Variants in KIAA0319 observed in about 807,000 individuals in gnomAD.
KIAA0319 encodes the protein KIAA0319.
KIAA0319 carries 83 observed loss-of-function variants against 108.4 expected under a neutral mutation model. The observed-to-expected ratio is 0.77, with a 90% CI of 0.64 to 0.92. The LOEUF (loss-of-function observed/expected upper bound fraction) is 0.92. KIAA0319 is among the 40% of genes least tolerant of loss of function. The pLI, the probability that KIAA0319 is intolerant of heterozygous loss-of-function variation, is 0.00. For synonymous variants in KIAA0319, 484 were observed against 510.4 expected, an observed-to-expected ratio of 0.95 and a Z score of 0.70; for missense variants, 1,195 against 1,322.4, an observed-to-expected ratio of 0.90 and a Z score of 1.49.
At chr6:24,555,761 G>A (rs1287971162) in intron 18 of KIAA0319, among the ~76,000 whole-genome samples, 1 of 152,112 alleles carries the variant, frequency 6.6e-6, no homozygotes, top group African/African-American at 2.4e-5. Flanking sequence ...CCAGTTTTTG[G>A]TGCCTGCCTG....
intron 16 of KIAA0319, 88 bp from the exon 17 acceptor site, chr6:24,559,243 TG>T: frequency 6.9e-7 from 1 of 1,451,782 alleles, no homozygotes; most frequent in Non-Finnish European, 9.4e-7. Context: ...CCTGTGAAAC[TG>T]GGGAGGTAGA....
intron 20 of KIAA0319, among the ~76,000 whole-genome samples, chr6:24,547,989 T>C (rs981179440): frequency 1.3e-5 from 2 of 152,052 alleles, no homozygotes; most frequent in Admixed American, 6.6e-5. Context: ...ACTATGATCG[T>C]GTTGCTATGC....
Position 24,583,116 on chromosome 6 carries a change from G to A in KIAA0319, c.1093+488C>T, listed in dbSNP as rs186476443. 7.2e-5 allele frequency: 71 copies of A among 985,504 alleles called. No homozygotes were observed. The African/African-American group carries it at 1.2e-3, about 16-fold the overall frequency. The allele number at this position is 985,504 out of a possible 1,614,324, so 61.0% of individuals were successfully genotyped here. A position where few individuals can be genotyped will look rare whatever the true frequency, so the allele number is the denominator to read the frequency against. ...GTCCCAGGTCAAATGCTTACTGAAT[G>A]GTAGAGCACTGGACAAGTAGAAGAA... On this transcript the variant is annotated intron_variant, in intron 5 of 20. Coordinates refer to ENST00000378214, the MANE Select transcript of KIAA0319 (RefSeq NM_014809.4).
rs561263302 is a variant in KIAA0319, at chr6:24,638,235, A to AT, written c.-106+7500dup. Reference sequence around the variant, plus strand: ...CATAATAAAATAACAAGATAGTAAGATTTTTTAAGGGTATAGTTTAAAATA... The same window carrying AT: ...CATAATAAAATAACAAGATAGTAAGATTTTTTTAAGGGTATAGTTTAAAATA... On this transcript the variant is annotated intron_variant, in intron 1 of 20. Transcript: ENST00000378214. Among the ~76,000 whole-genome samples the AT allele has an allele frequency of 1.5e-4, 23 of 152,282 alleles. No individual in the cohort carries two copies. The East Asian group carries it at 4.1e-3, about 27-fold the overall frequency.
chr6:24,594,398 G>C (rs1193839669), intron 3 of KIAA0319, among the ~76,000 whole-genome samples: 1 of 151,718 alleles, frequency 6.6e-6, no homozygotes, highest in Non-Finnish European at 1.5e-5. Flanking sequence ...GGCCGAGGTG[G>C]GGGTATCATT....
intron 3 of KIAA0319, among the ~76,000 whole-genome samples, chr6:24,594,466 A>G (rs1332720935): frequency 1.3e-5 from 2 of 151,630 alleles, no homozygotes; most frequent in Non-Finnish European, 2.9e-5. Context: ...TCTCTACTAA[A>G]AAATACAAAA....
intron 4 of KIAA0319, among the ~76,000 whole-genome samples, chr6:24,584,392 G>T: frequency 7.1e-6 from 1 of 141,400 alleles, no homozygotes; most frequent in African/African-American, 2.7e-5. Context: ...AAAATATATT[G>T]CGATATGTCC....
intron 5 of KIAA0319, chr6:24,583,043 C>G: frequency 2.0e-6 from 2 of 983,154 alleles, no homozygotes; most frequent in Non-Finnish European, 2.4e-6. Context: ...TAGTCAAACA[C>G]CTTAAGAATG....
At chr6:24,603,864 C>A (rs1003148255) in intron 1 of KIAA0319, among the ~76,000 whole-genome samples, 2 of 152,174 alleles carry the variant, frequency 1.3e-5, no homozygotes, top group Non-Finnish European at 2.9e-5. Flanking sequence ...GAGAGTGCCG[C>A]CCGTTGAAAT....
intron 14 of KIAA0319, among the ~76,000 whole-genome samples, chr6:24,565,529 TG>T (rs1641514952): frequency 6.6e-6 from 1 of 151,620 alleles, no homozygotes; most frequent in African/African-American, 2.4e-5. Context: ...CCGAAGCGGG[TG>T]GATCACAAGG....
At chr6:24,620,785 C>T (rs1366119358) in intron 1 of KIAA0319, among the ~76,000 whole-genome samples, 2 of 152,182 alleles carry the variant, frequency 1.3e-5, no homozygotes, top group African/African-American at 2.4e-5. Context: ...ATAAAGGCCC[C>T]ACCCTTATGA....
chr6:24,608,209 A>T (rs924582593), intron 1 of KIAA0319, among the ~76,000 whole-genome samples: 4 of 152,062 alleles, frequency 2.6e-5, no homozygotes, highest in Non-Finnish European at 1.5e-5. Flanking sequence ...TACTGAGGAA[A>T]AAATAAATAA....
downstream of KIAA0319, chr6:24,543,968 C>A (rs1760319997): frequency 6.6e-6 from 1 of 152,156 alleles, no homozygotes; most frequent in Non-Finnish European, 1.5e-5. Flanking sequence ...GTTAGTCCAG[C>A]CTTCTGCAAA....
At chr6:24,564,574 A>G (rs2127446487) in intron 14 of KIAA0319, among the ~76,000 whole-genome samples, 1 of 152,346 alleles carries the variant, frequency 6.6e-6, no homozygotes, top group Admixed American at 6.5e-5. Flanking sequence ...AACTGAACTA[A>G]GTTTACCAAG....
intron 2 of KIAA0319, 92 bp from the exon 3 acceptor site, chr6:24,596,710 TC>T: frequency 8.4e-7 from 1 of 1,193,426 alleles, no homozygotes. Context: ...GTCTTCTCAA[TC>T]CCTGGCCAGT....
In KIAA0319 at chr6:24,599,147, C is replaced by G. The variant is rs1770215755; in HGVS notation, c.55+1902G>C. 1.6e-6 allele frequency: 1 copy of G among 621,166 alleles called. No individual in the cohort carries two copies. The highest frequency in any genetic ancestry group is 1.8e-5 in the African/African-American group (1 of 55,256). 38.5% of individuals were successfully genotyped at this position (621,166 alleles called of 1,614,324 possible). ...ACAGCATCATTGCTGAGGTCAAGGC[C>G]CAGTACAAGGAGATCACCAACTGTA... On this transcript the variant is annotated intron_variant, in intron 2 of 20. Transcript: ENST00000378214. This position sits in a 1 kb window ranked among gnomAD's most constrained non-coding sequence, Gnocchi z 4.1.
intron 1 of KIAA0319, among the ~76,000 whole-genome samples, chr6:24,605,538 C>A (rs898637184): frequency 2.6e-5 from 4 of 152,134 alleles, no homozygotes; most frequent in South Asian, 4.1e-4. Flanking sequence ...ACATAGAAAG[C>A]CTGTCAAGCT....
At chr6:24,618,558 T>C (rs1388085135) in intron 1 of KIAA0319, among the ~76,000 whole-genome samples, 1 of 151,730 alleles carries the variant, frequency 6.6e-6, no homozygotes, top group African/African-American at 2.4e-5. Context: ...TGAGCCATGA[T>C]CACACCACTG....
At chr6:24,564,986 G>A (rs1218100395) in intron 14 of KIAA0319, among the ~76,000 whole-genome samples, 1 of 152,166 alleles carries the variant, frequency 6.6e-6, no homozygotes, top group African/African-American at 2.4e-5. Context: ...GGTGGCTCAC[G>A]CCTGTAATCC....
Sources: allele counts gnomAD v4.1 joint callset (sites outside exome capture counted in the v4.1 genomes callset), GRCh38; gene constraint gnomAD v4.1.1; non-coding constraint Gnocchi (gnomAD v3.1); transcripts MANE v1.5; gene names NCBI Gene and HGNC (gene_info 2026-07-23, HGNC 2026-07-21).